The following MAP1B variants were observed in gnomAD, a reference collection of about 807,000 sequenced individuals.
MAP1B encodes the protein microtubule-associated protein 1B.
Under a neutral mutation model 176.1 loss-of-function variants are expected in MAP1B, and 12 were observed. The observed-to-expected ratio is 0.07, with a 90% CI of 0.04 to 0.11. MAP1B has a LOEUF of 0.11. MAP1B is among the 10% of genes least tolerant of loss of function. MAP1B has a pLI of 1.00. For missense variants in MAP1B, 2,523 were observed against 2,990.5 expected (o/e 0.84, Z 3.65); for synonymous variants, 1,044 against 1,135.0 (o/e 0.92, Z 1.61).
intron 2 of MAP1B, among the ~76,000 whole-genome samples, chr5:72,159,593 T>C (rs1270829760): frequency 6.6e-6 from 1 of 152,224 alleles, no homozygotes; most frequent in Non-Finnish European, 1.5e-5. Context: ...AACACCATTA[T>C]ACCAGTGATT....
At chr5:72,171,005 C>G (rs1028113325) in intron 2 of MAP1B, among the ~76,000 whole-genome samples, 5 of 152,076 alleles carry the variant, frequency 3.3e-5, no homozygotes, top group African/African-American at 1.2e-4. Context: ...GAATATCTAT[C>G]CAAAGCTTTA....
chr5:72,115,718 A>G lies in MAP1B; in HGVS notation c.205A>G (p.Asn69Asp). 1 of 1,612,726 alleles carries G rather than the reference A, an allele frequency of 6.2e-7. No individual in the cohort carries two copies. Among genetic ancestry groups the G allele is most frequent in the Non-Finnish European group, 8.5e-7 (1 of 1,178,736 alleles). The stretch of plus-strand genomic sequence containing the variant: ...CCTAGGAATCCGATCATGGGACACA[A>G]ACCTGATTGAATGCAACTTGGACCA... ...IELGIRSWDT[N>D]LIECNLDQEL... Residue 69 changes from asparagine to aspartate, a missense_variant, in exon 2 of 7, where the codon AAC becomes GAC. By Grantham distance (23) the Asn-to-Asp change is conservative (BLOSUM62 1). Coordinates refer to ENST00000296755, the MANE Select transcript of MAP1B (RefSeq NM_005909.5).
intron 3 of MAP1B, among the ~76,000 whole-genome samples, chr5:72,184,896 T>C (rs984977963): frequency 2.0e-5 from 3 of 152,202 alleles, no homozygotes; most frequent in African/African-American, 7.2e-5. Flanking sequence ...TTACAAAGTT[T>C]TGCAACCATC....
intron 2 of MAP1B, among the ~76,000 whole-genome samples, chr5:72,174,864 T>A (rs1371385522): frequency 6.7e-6 from 1 of 150,322 alleles, no homozygotes; most frequent in East Asian, 2.0e-4. Context: ...GGCATTGAAC[T>A]CTGCTTCCTT....
intron 2 of MAP1B, among the ~76,000 whole-genome samples, chr5:72,129,556 T>C (rs568248231): frequency 0.027 from 3,764 of 140,912 alleles, 110 homozygotes; most frequent in African/African-American, 0.078. Context: ...GACTCCGTCC[T>C]AAAAAAAAAA....
rs1747300736 is a variant in MAP1B, at chr5:72,200,225, T to C, written c.6870T>C (p.Pro2290=). The change falls in exon 5 of 7, where the codon CCT becomes CCC. Residue 2290 remains proline (P), a synonymous_variant. Transcript: ENST00000296755. ...ATAAAGTGTCCAGGGTGGCTTCTCC[T>C]AAGAAGAAAGAATCTGTGGAAAAGG... The part of the protein sequence containing the change: ...SSDKVSRVAS[P]KKKESVEKAA... 6.2e-7 allele frequency: 1 copy of C among 1,614,010 alleles called. No individual in the cohort carries two copies. The highest frequency in any genetic ancestry group is 8.5e-7 in the Non-Finnish European group (1 of 1,180,024).
At chr5:72,178,725 GGTGTGTGTGTGT>G (rs34082751) in intron 2 of MAP1B, among the ~76,000 whole-genome samples, 98 of 140,502 alleles carry the variant, frequency 7.0e-4, no homozygotes, top group East Asian at 1.1e-3. Context: ...GCCTCTGAGG[GGTGTGTGTGTGT>G]GTGTGTGTGT....
At position 72,119,569 on chromosome 5, in the gene MAP1B, G is replaced by A. The variant is rs575345365; in HGVS notation, c.286+3770G>A. Among the ~76,000 whole-genome samples, 482 of 152,304 alleles carry A rather than the reference G, an allele frequency of 3.2e-3. 4 individuals are homozygous for A. The highest frequency in any genetic ancestry group is 0.011 in the African/African-American group (461 of 41,558). On this transcript the variant is annotated intron_variant, in intron 2 of 6. Transcript: ENST00000296755. ...ATCGCCCAGGCTGGAGTGCAGTGGT[G>A]CAATCTTGGCTCACTGCAACCTCAA...
intron 2 of MAP1B, among the ~76,000 whole-genome samples, chr5:72,167,921 T>A (rs1342514933): frequency 6.6e-6 from 1 of 152,238 alleles, no homozygotes; most frequent in Non-Finnish European, 1.5e-5. Context: ...CATTAAGGCA[T>A]CATCTTCTGT....
At chr5:72,145,222 T>TTTGG in intron 2 of MAP1B, among the ~76,000 whole-genome samples, 1 of 152,178 alleles carries the variant, frequency 6.6e-6, no homozygotes, top group Non-Finnish European at 1.5e-5. Context: ...CAGTATGAAA[T>TTTGG]GATAGAAAGA....
chr5:72,151,145 A>T (rs1364635260), intron 2 of MAP1B, among the ~76,000 whole-genome samples: 1 of 152,060 alleles, frequency 6.6e-6, no homozygotes, highest in Non-Finnish European at 1.5e-5. Flanking sequence ...CAAGACATGG[A>T]GGCAAAGGTC....
chr5:72,124,079 C>A (rs1745580867), intron 2 of MAP1B, among the ~76,000 whole-genome samples: 1 of 152,186 alleles, frequency 6.6e-6, no homozygotes, highest in African/African-American at 2.4e-5. Context: ...GGTTTAGTCA[C>A]AATGACAAAG....
At chr5:72,138,878 G>A (rs143282284) in intron 2 of MAP1B, among the ~76,000 whole-genome samples, 3 of 152,224 alleles carry the variant, frequency 2.0e-5, no homozygotes, top group South Asian at 2.1e-4. Context: ...AGGTGAACAG[G>A]TTATTTTAAT....
At chr5:72,172,142 C>G (rs2112195498) in intron 2 of MAP1B, among the ~76,000 whole-genome samples, 1 of 152,332 alleles carries the variant, frequency 6.6e-6, no homozygotes, top group Non-Finnish European at 1.5e-5. Flanking sequence ...ATGGTGGCAG[C>G]TGAGGCACCA....
At chr5:72,180,671 C>G (rs1746746177) in intron 2 of MAP1B, among the ~76,000 whole-genome samples, 4 of 152,124 alleles carry the variant, frequency 2.6e-5, no homozygotes, top group Non-Finnish European at 5.9e-5. Context: ...GGACTTTGTT[C>G]TGTTTTGGAG....
intron 2 of MAP1B, among the ~76,000 whole-genome samples, chr5:72,150,010 G>A (rs1746113903): frequency 6.6e-6 from 1 of 152,184 alleles, no homozygotes; most frequent in South Asian, 2.1e-4. Flanking sequence ...TATCATGTGG[G>A]ATCTCATTTT....
intron 2 of MAP1B, among the ~76,000 whole-genome samples, chr5:72,122,996 C>A (rs1745559970): frequency 6.6e-6 from 1 of 152,136 alleles, no homozygotes; most frequent in Non-Finnish European, 1.5e-5. Context: ...AACCATCAAG[C>A]AAGCACAGTC....
chr5:72,197,517 G>A lies in MAP1B; in HGVS notation c.4162G>A (p.Glu1388Lys). 6.2e-7 allele frequency: 1 copy of A among 1,614,222 alleles called. No homozygotes were observed. The highest frequency in any genetic ancestry group is 8.5e-7 in the Non-Finnish European group (1 of 1,180,036). The part of the protein sequence containing the change: ...SPMDEPVPDS[E>K]SPIEKVLSPL... ...CATGGATGAGCCCGTGCCTGACTCA[G>A]AGTCTCCTATTGAAAAAGTTTTGTC... Residue 1388 changes from glutamate to lysine, a missense_variant, in exon 5 of 7, where the codon GAG (glutamate) becomes AAG (lysine). Coordinates refer to ENST00000296755, the MANE Select transcript of MAP1B (RefSeq NM_005909.5).
chr5:72,172,695 C>A (rs1340572834), intron 2 of MAP1B, among the ~76,000 whole-genome samples: 3 of 152,148 alleles, frequency 2.0e-5, no homozygotes, highest in Non-Finnish European at 2.9e-5. Flanking sequence ...TACATTTGCT[C>A]CCAAGGGAAA....
Sources: gnomAD v4.1 joint callset for allele counts (sites outside exome capture counted in the v4.1 genomes callset) on GRCh38, gnomAD v4.1.1 for gene constraint, MANE v1.5 for transcripts, NCBI Gene and HGNC (gene_info 2026-07-23, HGNC 2026-07-21) for gene names.